LDB3: variants seen among roughly 807,000 people sequenced by gnomAD.
The protein encoded by LDB3 is LIM domain binding 3.
A neutral mutation model predicts 69.0 loss-of-function variants in LDB3; 49 were observed. That is an observed-to-expected ratio of 0.71 (90% confidence interval 0.56 to 0.90). The LOEUF (loss-of-function observed/expected upper bound fraction) is 0.90. LDB3 is among the 40% of genes least tolerant of loss of function. The pLI, the probability that LDB3 is intolerant of heterozygous loss-of-function variation, is 0.00. For missense variants in LDB3, 928 were observed against 974.1 expected, an observed-to-expected ratio of 0.95 and a Z score of 0.63; for synonymous variants, 387 against 396.2, an observed-to-expected ratio of 0.98 and a Z score of 0.28.
rs753087057 is a variant in LDB3 at position 86,733,087 on chromosome 10, G to C, written c.*111G>C. 7.8e-6 allele frequency: 6 copies of C among 773,172 alleles called. No homozygotes were observed. Among genetic ancestry groups the C allele is most frequent in the Non-Finnish European group, 1.4e-5 (6 of 441,756 alleles). The allele number at this position is 773,172 out of a possible 1,614,324, so 47.9% of individuals were successfully genotyped here. A position where few individuals can be genotyped will look rare whatever the true frequency, so the allele number is the denominator to read the frequency against. On this transcript the variant is annotated 3_prime_UTR_variant, in exon 14 of 14. Transcript: ENST00000361373. ...AGGGGAATGGGGAGAGAGAGGAAGCGACTGAGCCCTTTGGAAGTATAATTT... is the reference window on the plus strand; with the variant it reads ...AGGGGAATGGGGAGAGAGAGGAAGCCACTGAGCCCTTTGGAAGTATAATTT...
Position 86,734,769 on chromosome 10 carries a change from C to T in LDB3, c.*1793C>T, listed in dbSNP as rs1242828369. 1 of 152,156 alleles carries T rather than the reference C, an allele frequency of 6.6e-6. No individual in the cohort carries two copies. The highest frequency in any genetic ancestry group is 2.4e-5 in the African/African-American group (1 of 41,426). 9.4% of individuals were successfully genotyped at this position (152,156 alleles called of 1,614,324 possible). A position where few individuals can be genotyped will look rare whatever the true frequency, so the allele number is the denominator to read the frequency against. ...GCTCCTGCCACAGGGCCCTTCCTACCTTTGGATCTGTGAGAAGGTGAATAC... is the reference window on the plus strand; with the variant it reads ...GCTCCTGCCACAGGGCCCTTCCTACTTTTGGATCTGTGAGAAGGTGAATAC... On this transcript the variant is annotated 3_prime_UTR_variant, in exon 14 of 14. Transcript: ENST00000361373.
intron 7 of LDB3, among the ~76,000 whole-genome samples, chr10:86,702,713 G>T (rs1260548131): frequency 6.6e-6 from 1 of 152,202 alleles, no homozygotes; most frequent in African/African-American, 2.4e-5. Context: ...CACAGTGCTT[G>T]CTCTATGATG....
At chr10:86,713,262 T>G (rs971117914) in intron 9 of LDB3, among the ~76,000 whole-genome samples, 1 of 152,148 alleles carries the variant, frequency 6.6e-6, no homozygotes, top group Admixed American at 6.5e-5. Context: ...TTTTTATTTT[T>G]TGAGATGGAG....
chr10:86,733,426 G>A lies in LDB3; in HGVS notation c.*450G>A, dbSNP rs45541534. 1.9e-3 allele frequency: 404 copies of A among 217,066 alleles called. 3 individuals are homozygous for A. Among genetic ancestry groups the A allele is most frequent in the South Asian group, 8.0e-3 (108 of 13,550 alleles). 13.4% of individuals were successfully genotyped at this position (217,066 alleles called of 1,614,324 possible). On this transcript the variant is annotated 3_prime_UTR_variant, in exon 14 of 14. Transcript: ENST00000361373. ...GCACTCGCTGCAGGGTATTTTTAGA[G>A]TCATAGCTGAGAGCTTGTTAGCTAA...
At chr10:86,685,084 C>T (rs960378431) in intron 5 of LDB3, among the ~76,000 whole-genome samples, 5 of 152,188 alleles carry the variant, frequency 3.3e-5, no homozygotes, top group African/African-American at 4.8e-5. Flanking sequence ...CTCCCCTATA[C>T]CCCAAGAGGA....
chr10:86,676,289 G>T (rs1413725940), intron 2 of LDB3, among the ~76,000 whole-genome samples: 2 of 152,188 alleles, frequency 1.3e-5, no homozygotes, highest in Non-Finnish European at 2.9e-5. Context: ...CAGGCTGGGT[G>T]TGGTGGCTCA....
chr10:86,730,105 CA>C (rs35496319), intron 13 of LDB3, among the ~76,000 whole-genome samples: 35,459 of 152,094 alleles, frequency 0.23, 4,875 homozygotes, highest in East Asian at 0.58. Context: ...TCCCAGAACC[CA>C]ATTGGAAGCC....
At chr10:86,700,714 T>C (rs1846227808) in intron 7 of LDB3, among the ~76,000 whole-genome samples, 2 of 152,058 alleles carry the variant, frequency 1.3e-5, no homozygotes, top group African/African-American at 2.4e-5. Context: ...GCCAAAAAGA[T>C]CCCAGCCAGG....
intron 13 of LDB3, among the ~76,000 whole-genome samples, chr10:86,730,588 G>A (rs1291713368): frequency 6.6e-6 from 1 of 152,240 alleles, no homozygotes; most frequent in East Asian, 1.9e-4. Flanking sequence ...GAGTCTTACA[G>A]ACATGGACAG....
intron 7 of LDB3, chr10:86,700,156 G>A (rs1447465162): frequency 2.6e-6 from 2 of 755,948 alleles, no homozygotes; most frequent in African/African-American, 1.9e-5. Flanking sequence ...AGGAGCAGGG[G>A]CTGTGTCCAC....
Position 86,717,952 on chromosome 10 carries a change from G to T in LDB3, c.1677-12G>T. The T allele has an allele frequency of 1.2e-6, 2 of 1,613,752 alleles. No homozygotes were observed. The highest frequency in any genetic ancestry group is 2.2e-5 in the South Asian group (2 of 91,062). ...GAGCTGCCTTACTGGGTGCCATTCTGTGCTTCCCCAGGGGCCCATTTCTGG... is the reference window on the plus strand; with the variant it reads ...GAGCTGCCTTACTGGGTGCCATTCTTTGCTTCCCCAGGGGCCCATTTCTGG... On this transcript the variant is annotated splice_polypyrimidine_tract_variant and intron_variant, in intron 10 of 13. Transcript: ENST00000361373.
intron 2 of LDB3, among the ~76,000 whole-genome samples, chr10:86,673,400 G>A (rs950587411): frequency 1.3e-5 from 2 of 152,216 alleles, no homozygotes; most frequent in East Asian, 1.9e-4. Context: ...GGCAGTGGGG[G>A]CAGGATGTGT....
chr10:86,678,340 C>CT lies in LDB3; in HGVS notation c.94-1010dup, dbSNP rs59059288. 7.0e-3 allele frequency among the ~76,000 whole-genome samples: 812 copies of CT among 116,040 alleles called. 4 individuals are homozygous for CT. Among genetic ancestry groups the CT allele is most frequent in the Non-Finnish European group, 9.9e-3 (542 of 54,980 alleles). 76.1% of individuals were successfully genotyped at this position (116,040 alleles called of 152,430 possible). A position where few individuals can be genotyped will look rare whatever the true frequency, so the allele number is the denominator to read the frequency against. On this transcript the variant is annotated intron_variant, in intron 2 of 13. Coordinates refer to ENST00000361373, the MANE Select transcript of LDB3 (RefSeq NM_007078.3). ...GCATGAGCCACCACACCTGGCCACC[C>CT]TTTTTTTTTTTTTTTTTAAGACCGA... is the stretch of plus-strand genomic sequence containing the variant.
In LDB3 at chr10:86,709,807, C is replaced by CA. The variant is rs1422477075; in HGVS notation, c.1086-97dup. On this transcript the variant is annotated intron_variant, in intron 8 of 13. Coordinates refer to ENST00000361373, the MANE Select transcript of LDB3 (RefSeq NM_007078.3). ...CAGAAATGTCTCTGTCAGGTGTCCT[C>CA]ACAGAGGCTTCTGAAGACCTGGGAG... 2.2e-5 allele frequency: 30 copies of CA among 1,342,596 alleles called. No homozygotes were observed. In the African/African-American group the frequency reaches 4.0e-4, roughly 18 times the overall value. The allele number at this position is 1,342,596 out of a possible 1,614,324, so 83.2% of individuals were successfully genotyped here. A position where few individuals can be genotyped will look rare whatever the true frequency, so the allele number is the denominator to read the frequency against.
At chr10:86,729,801 A>C (rs1035463491) in intron 13 of LDB3, among the ~76,000 whole-genome samples, 2 of 152,050 alleles carry the variant, frequency 1.3e-5, no homozygotes, top group African/African-American at 2.4e-5. Context: ...CAGTCCCTGG[A>C]CACCTTCTCT....
chr10:86,692,900 C>G (rs540325314), intron 7 of LDB3, among the ~76,000 whole-genome samples: 2 of 152,170 alleles, frequency 1.3e-5, no homozygotes, highest in Admixed American at 1.3e-4. Context: ...TGAGGACACC[C>G]GGCTGGCCAA....
chr10:86,702,140 G>T (rs1449072013), intron 7 of LDB3, among the ~76,000 whole-genome samples: 1 of 152,114 alleles, frequency 6.6e-6, no homozygotes, highest in Non-Finnish European at 1.5e-5. Context: ...CACCTGACTG[G>T]CATTCTATCA....
At chr10:86,693,915 A>G (rs1381669778) in intron 7 of LDB3, among the ~76,000 whole-genome samples, 1 of 152,180 alleles carries the variant, frequency 6.6e-6, no homozygotes, top group East Asian at 1.9e-4. Context: ...CACACCCCAG[A>G]GCAAGCGGCT....
intron 4 of LDB3, among the ~76,000 whole-genome samples, chr10:86,681,115 G>A (rs1019104301): frequency 6.6e-6 from 1 of 152,272 alleles, no homozygotes; most frequent in Non-Finnish European, 1.5e-5. Context: ...AGGGGCAGGG[G>A]GAACAGACAC....
Sources: allele counts gnomAD v4.1 joint callset (sites outside exome capture counted in the v4.1 genomes callset), GRCh38; gene constraint gnomAD v4.1.1; transcripts MANE v1.5; gene names NCBI Gene and HGNC (gene_info 2026-07-23, HGNC 2026-07-21).